Variants in CNTNAP5 observed in about 807,000 individuals in gnomAD.
The protein encoded by CNTNAP5 is contactin-associated protein-like 5.
In CNTNAP5, 72 loss-of-function variants were observed where a neutral mutation model predicts 150.2. The ratio of observed to expected loss-of-function variants is 0.48; its 90% CI spans 0.40 to 0.58. CNTNAP5 has a LOEUF of 0.58. CNTNAP5 is among the 20% of genes least tolerant of loss of function. The probability of loss-of-function intolerance (pLI) is 0.00; values close to 1 mark genes in which losing one functional copy is unlikely to be tolerated. For synonymous variants in CNTNAP5, 672 were observed against 619.8 expected (o/e 1.08, Z -1.25); for missense variants, 1,636 against 1,626.2 (o/e 1.01, Z -0.10).
intron 12 of CNTNAP5, among the ~76,000 whole-genome samples, chr2:124,616,365 C>T (rs1677493725): frequency 6.6e-6 from 1 of 152,192 alleles, no homozygotes; most frequent in Non-Finnish European, 1.5e-5. Context: ...CATGATCCGG[C>T]CTCTGCTAGC....
chr2:124,862,514 G>T (rs974711312), intron 19 of CNTNAP5, among the ~76,000 whole-genome samples: 15 of 152,180 alleles, frequency 9.9e-5, no homozygotes, highest in African/African-American at 3.1e-4. Context: ...GCAAGCCGAG[G>T]GGGTAGAGGA....
intron 13 of CNTNAP5, among the ~76,000 whole-genome samples, chr2:124,743,756 G>T (rs1680549711): frequency 6.6e-6 from 1 of 152,246 alleles, no homozygotes; most frequent in Admixed American, 6.5e-5. Flanking sequence ...GATCAATTAA[G>T]TTCTATTTTA....
chr2:124,702,727 A>G (rs1300799765), intron 13 of CNTNAP5, among the ~76,000 whole-genome samples: 1 of 152,066 alleles, frequency 6.6e-6, no homozygotes, highest in Non-Finnish European at 1.5e-5. Flanking sequence ...CAAATTTCCC[A>G]TTATGTAAAA....
intron 4 of CNTNAP5, among the ~76,000 whole-genome samples, chr2:124,423,540 A>G (rs1692164011): frequency 6.7e-6 from 1 of 149,556 alleles, no homozygotes; most frequent in Admixed American, 6.7e-5. Flanking sequence ...TGTATTTTTT[A>G]GTAGAGACGG....
intron 1 of CNTNAP5, among the ~76,000 whole-genome samples, chr2:124,119,362 C>CTTTTTTTTTT (rs5834039): frequency 1.4e-5 from 2 of 139,524 alleles, no homozygotes; most frequent in Non-Finnish European, 3.1e-5. Context: ...GAGCAGGAAG[C>CTTTTTTTTTT]TTTTTTTTTT....
chr2:124,645,611 A>G (rs1678187149), intron 12 of CNTNAP5, among the ~76,000 whole-genome samples: 1 of 152,166 alleles, frequency 6.6e-6, no homozygotes, highest in Non-Finnish European at 1.5e-5. Flanking sequence ...CACTGGGGAC[A>G]TGTGGGTTAT....
intron 3 of CNTNAP5, among the ~76,000 whole-genome samples, chr2:124,295,292 G>A (rs1688395242): frequency 1.2e-5 from 1 of 82,488 alleles, no homozygotes; most frequent in African/African-American, 4.8e-5. Context: ...GCTCATGTTT[G>A]GCAGAGGTGG....
At chr2:124,062,149 C>T (rs899818303) in intron 1 of CNTNAP5, among the ~76,000 whole-genome samples, 3 of 152,122 alleles carry the variant, frequency 2.0e-5, no homozygotes, top group Non-Finnish European at 1.5e-5. Flanking sequence ...GTTTGTTTAG[C>T]ACCTCTAATT....
rs867826650 is a variant in CNTNAP5, at chr2:124,447,390, G to A, written c.918+453G>A. 4.6e-5 allele frequency among the ~76,000 whole-genome samples: 7 copies of A among 152,252 alleles called. No individual in the cohort carries two copies. In the South Asian group the frequency reaches 8.3e-4, roughly 18 times the overall value. Reference sequence around the variant, plus strand: ...CCGATGCAAGCTTTTGACTAATACCGTGGCGAGCTGTTTCTTCCCTGCTCT... The same window carrying A: ...CCGATGCAAGCTTTTGACTAATACCATGGCGAGCTGTTTCTTCCCTGCTCT... On this transcript the variant is annotated intron_variant, in intron 6 of 23. Transcript: ENST00000682447.
At chr2:124,248,085 T>C (rs1687075521) in intron 3 of CNTNAP5, among the ~76,000 whole-genome samples, 1 of 152,182 alleles carries the variant, frequency 6.6e-6, no homozygotes, top group African/African-American at 2.4e-5. Flanking sequence ...AAGCAAGTTA[T>C]TACAATGTCA....
intron 17 of CNTNAP5, among the ~76,000 whole-genome samples, chr2:124,774,641 A>G (rs17011971): frequency 0.058 from 8,862 of 152,258 alleles, 903 homozygotes; most frequent in African/African-American, 0.2. Context: ...GTTGCTAGTC[A>G]TCAAAATCTA....
At chr2:124,759,397 A>G (rs997111790) in intron 14 of CNTNAP5, among the ~76,000 whole-genome samples, 4 of 147,078 alleles carry the variant, frequency 2.7e-5, no homozygotes, top group African/African-American at 9.9e-5. Context: ...TAAATTATAT[A>G]TATATCTATA....
intron 7 of CNTNAP5, among the ~76,000 whole-genome samples, chr2:124,476,010 G>C (rs1187294777): frequency 1.3e-5 from 2 of 151,884 alleles, no homozygotes. Flanking sequence ...TTCTTATCTA[G>C]TGTTAGAGTA....
intron 3 of CNTNAP5, among the ~76,000 whole-genome samples, chr2:124,264,924 A>G (rs868248169): frequency 1.3e-5 from 2 of 152,218 alleles, no homozygotes. Flanking sequence ...GTCTTTGGGC[A>G]TGCGACATTT....
At chr2:124,365,077 T>C (rs549401825) in intron 3 of CNTNAP5, among the ~76,000 whole-genome samples, 2 of 152,164 alleles carry the variant, frequency 1.3e-5, no homozygotes, top group South Asian at 2.1e-4. Flanking sequence ...GAAATCCTAA[T>C]AGCCGATAAG....
chr2:124,333,935 G>A (rs1320903485), intron 3 of CNTNAP5, among the ~76,000 whole-genome samples: 1 of 152,134 alleles, frequency 6.6e-6, no homozygotes, highest in East Asian at 1.9e-4. Flanking sequence ...AAAATTGCTG[G>A]TCTTGCTGGT....
intron 7 of CNTNAP5, 90 bp from the exon 8 acceptor site, chr2:124,504,202 T>A (rs1012799097): frequency 5.5e-5 from 72 of 1,302,124 alleles, no homozygotes; most frequent in Non-Finnish European, 7.4e-5. Context: ...ATCCTGAAAT[T>A]AAGGTCAGCT....
rs1693603250 is a variant in CNTNAP5 at position 124,474,895 on chromosome 2, A to G, written c.1062+13A>G. On this transcript the variant is annotated intron_variant, in intron 7 of 23. Coordinates refer to ENST00000682447, the MANE Select transcript of CNTNAP5 (RefSeq NM_001367498.1). The stretch of plus-strand genomic sequence containing the variant: ...GATCTATACTGTGGTAAGTCAGCCC[A>G]TCTGTTTTGTCTTGATGGTTTCTAC... 1 of 1,589,936 alleles carries G rather than the reference A, an allele frequency of 6.3e-7. No homozygotes were observed. The highest frequency in any genetic ancestry group is 1.4e-5 in the African/African-American group (1 of 73,110).
chr2:124,262,288 A>G (rs1687478763), intron 3 of CNTNAP5, among the ~76,000 whole-genome samples: 1 of 152,144 alleles, frequency 6.6e-6, no homozygotes, highest in Non-Finnish European at 1.5e-5. Flanking sequence ...AAGCAGGACT[A>G]TGATGAAAGA....
Sources: allele counts gnomAD v4.1 joint callset (sites outside exome capture counted in the v4.1 genomes callset), GRCh38; gene constraint gnomAD v4.1.1; transcripts MANE v1.5; gene names NCBI Gene and HGNC (gene_info 2026-07-23, HGNC 2026-07-21).